IDO2: variants seen among roughly 807,000 people sequenced by gnomAD.
The protein encoded by IDO2 is indoleamine 2,3-dioxygenase 2.
In IDO2, 46 loss-of-function variants were observed where a neutral mutation model predicts 45.1. The observed-to-expected ratio is 1.02, with a 90% CI of 0.80 to 1.30. The LOEUF is 1.30. Ranked by LOEUF, IDO2 falls within the 50% of genes most tolerant of loss-of-function variation. The probability of loss-of-function intolerance (pLI) is 0.00; values close to 1 mark genes in which losing one functional copy is unlikely to be tolerated. For synonymous variants in IDO2, 218 were observed against 184.9 expected (o/e 1.18, Z -1.45); for missense variants, 544 against 491.8 (o/e 1.11, Z -1.00).
intron 8 of IDO2, among the ~76,000 whole-genome samples, chr8:39,994,671 G>A (rs1252809930): frequency 2.1e-5 from 1 of 47,020 alleles, no homozygotes; most frequent in African/African-American, 5.7e-5. Context: ...GCCTGAATCT[G>A]GGAAATTGTT....
chr8:40,008,478 A>G (rs966897710), intron 9 of IDO2, among the ~76,000 whole-genome samples: 1 of 152,100 alleles, frequency 6.6e-6, no homozygotes, highest in South Asian at 2.1e-4. Context: ...ATTCAGGATA[A>G]CTCCCTATGT....
chr8:40,007,169 C>A (rs1213594818), intron 9 of IDO2, among the ~76,000 whole-genome samples: 2 of 151,348 alleles, frequency 1.3e-5, no homozygotes, highest in Admixed American at 1.3e-4. Flanking sequence ...AGTGGGCCAT[C>A]TTATTAACTA....
intron 1 of IDO2, among the ~76,000 whole-genome samples, chr8:39,947,901 C>T (rs1445180320): frequency 6.6e-6 from 1 of 151,906 alleles, no homozygotes; most frequent in Non-Finnish European, 1.5e-5. Flanking sequence ...AATTCTCCTG[C>T]CTCAGCCTCC....
intron 8 of IDO2, 110 bp from the exon 9 acceptor site, chr8:40,005,217 C>A: frequency 1.8e-6 from 1 of 570,720 alleles, no homozygotes; most frequent in Non-Finnish European, 3.0e-6. Context: ...TCCAGGTCTC[C>A]ATGCATATCA....
chr8:39,999,373 G>A (rs528823291), intron 8 of IDO2, among the ~76,000 whole-genome samples: 3 of 148,280 alleles, frequency 2.0e-5, no homozygotes, highest in Non-Finnish European at 4.4e-5. Flanking sequence ...TCTGCCTCTC[G>A]GTTCAAGCGA....
At chr8:39,935,041 C>T in exon 1 of IDO2, 7 of 781,538 alleles carry the variant, frequency 9.0e-6, no homozygotes, top group Non-Finnish European at 1.6e-5. Flanking sequence ...CATCCTCCTA[C>T]ACTGGAGCTT....
intron 2 of IDO2, among the ~76,000 whole-genome samples, chr8:39,951,026 T>TCAAAACAAAA (rs71237202): frequency 0.31 from 46,343 of 147,358 alleles, 8,198 homozygotes; most frequent in East Asian, 0.52. Flanking sequence ...GAAACTCGTC[T>TCAAAACAAAA]CAAAACAAAA....
chr8:39,936,609 C>T (rs946377750), intron 1 of IDO2, among the ~76,000 whole-genome samples: 3 of 152,150 alleles, frequency 2.0e-5, no homozygotes, highest in Non-Finnish European at 4.4e-5. Flanking sequence ...AAGACAATTG[C>T]AGTAATTTGC....
intron 9 of IDO2, among the ~76,000 whole-genome samples, chr8:40,009,749 T>C (rs957526969): frequency 2.0e-5 from 3 of 152,148 alleles, no homozygotes; most frequent in Non-Finnish European, 4.4e-5. Flanking sequence ...TCTGTCACCT[T>C]CACTGTGGAA....
At chr8:39,997,031 T>G (rs938860017) in intron 8 of IDO2, among the ~76,000 whole-genome samples, 4 of 152,244 alleles carry the variant, frequency 2.6e-5, no homozygotes, top group Admixed American at 6.5e-5. Context: ...GCTCAAGCTA[T>G]GAATGCTTTA....
intron 8 of IDO2, among the ~76,000 whole-genome samples, chr8:39,994,848 T>C (rs1037543190): frequency 8.6e-5 from 13 of 151,970 alleles, no homozygotes; most frequent in African/African-American, 2.9e-4. Flanking sequence ...AAAAGAATAA[T>C]TGGGAAAATA....
At chr8:39,937,493 A>G (rs1390062937) in intron 1 of IDO2, among the ~76,000 whole-genome samples, 1 of 151,718 alleles carries the variant, frequency 6.6e-6, no homozygotes, top group African/African-American at 2.4e-5. Flanking sequence ...AAGCTTTTCT[A>G]TGAGAATTTA....
intron 2 of IDO2, among the ~76,000 whole-genome samples, chr8:39,954,736 A>G (rs1450938952): frequency 6.9e-6 from 1 of 144,116 alleles, no homozygotes; most frequent in East Asian, 2.0e-4. Flanking sequence ...GCTCACTGCA[A>G]CCTTTGCCTC....
At chr8:39,943,640 G>T (rs1162684172) in intron 1 of IDO2, among the ~76,000 whole-genome samples, 2 of 151,046 alleles carry the variant, frequency 1.3e-5, no homozygotes, top group African/African-American at 4.9e-5. Context: ...GGGAGGCTGA[G>T]GCAGGAGAAT....
At chr8:40,013,077 G>C (rs1016942094) in intron 9 of IDO2, among the ~76,000 whole-genome samples, 6 of 152,174 alleles carry the variant, frequency 3.9e-5, no homozygotes, top group Non-Finnish European at 8.8e-5. Context: ...AGGTGTGTGT[G>C]TGTGTGTGTT....
At chr8:39,976,187 C>A (rs535286148) in intron 3 of IDO2, among the ~76,000 whole-genome samples, 4 of 151,956 alleles carry the variant, frequency 2.6e-5, no homozygotes, top group African/African-American at 4.8e-5. Flanking sequence ...CCATGTTGGC[C>A]GCTTGTCTCA....
chr8:40,015,415 A>G, exon 11 of IDO2: 4 of 1,613,952 alleles, frequency 2.5e-6, no homozygotes, highest in Non-Finnish European at 3.4e-6. Context: ...CTGCGGAGCT[A>G]TCACATCACC....
At chr8:39,962,049 G>A (rs1178838874) in intron 2 of IDO2, among the ~76,000 whole-genome samples, 1 of 152,190 alleles carries the variant, frequency 6.6e-6, no homozygotes, top group Non-Finnish European at 1.5e-5. Context: ...ACCATAGATA[G>A]CATGTAAACA....
chr8:39,953,818 G>C (rs533876966), intron 2 of IDO2, among the ~76,000 whole-genome samples: 9 of 152,234 alleles, frequency 5.9e-5, no homozygotes, highest in Non-Finnish European at 1.0e-4. Context: ...ACCCGCCTCG[G>C]CCCTCTGTCT....
Sources: gnomAD v4.1 joint callset for allele counts (sites outside exome capture counted in the v4.1 genomes callset) on GRCh38, gnomAD v4.1.1 for gene constraint, MANE v1.5 for transcripts, NCBI Gene and HGNC (gene_info 2026-07-23, HGNC 2026-07-21) for gene names.